Variants in SLC45A4 observed in about 807,000 individuals in gnomAD.
SLC45A4 encodes solute carrier family 45 member 4.
SLC45A4 carries 32 observed loss-of-function variants against 63.7 expected under a neutral mutation model. That is an observed-to-expected ratio of 0.50 (90% confidence interval 0.38 to 0.67). SLC45A4 has a LOEUF of 0.67. SLC45A4 is among the 30% of genes least tolerant of loss of function. SLC45A4 has a pLI of 0.00. For synonymous variants in SLC45A4, 535 were observed against 510.0 expected (o/e 1.05, Z -0.66); for missense variants, 1,027 against 1,157.7 (o/e 0.89, Z 1.64).
At position 141,273,977 on chromosome 8, in the gene SLC45A4, C is replaced by A. The variant is rs1014917633; in HGVS notation, c.-400-19348G>T. ...AGGCGTGGTGGCTCACGCCTGTAAT[C>A]CCAGCACTTTGGGAGGCCGAGGCGG... On this transcript the variant is annotated intron_variant, in intron 1 of 8. Coordinates refer to ENST00000517878, the MANE Select transcript of SLC45A4 (RefSeq NM_001286646.2). Among the ~76,000 whole-genome samples the A allele has an allele frequency of 2.0e-5, 3 of 152,152 alleles. No homozygotes were observed. The East Asian group carries it at 5.8e-4, about 29-fold the overall frequency.
At chr8:141,222,891 C>T (rs1826737904) in intron 2 of SLC45A4, among the ~76,000 whole-genome samples, 1 of 152,204 alleles carries the variant, frequency 6.6e-6, no homozygotes, top group African/African-American at 2.4e-5. Context: ...ATGGGAGTCC[C>T]ACGCTCCAGT....
At chr8:141,288,711 C>A (rs1440600312) in intron 1 of SLC45A4, among the ~76,000 whole-genome samples, 1 of 152,270 alleles carries the variant, frequency 6.6e-6, no homozygotes, top group African/African-American at 2.4e-5. Flanking sequence ...CTGTGCTGGA[C>A]ACACAGCAGG....
At chr8:141,267,079 C>T (rs769968513) in intron 1 of SLC45A4, among the ~76,000 whole-genome samples, 1 of 152,234 alleles carries the variant, frequency 6.6e-6, no homozygotes, top group Non-Finnish European at 1.5e-5. Flanking sequence ...GCTGGCAGGA[C>T]GGGGCAGGTG....
intron 5 of SLC45A4, among the ~76,000 whole-genome samples, chr8:141,217,533 A>G (rs1293432695): frequency 6.6e-6 from 1 of 152,134 alleles, no homozygotes; most frequent in Non-Finnish European, 1.5e-5. Context: ...AGCAGCTCAG[A>G]CTGGACCAGA....
At chr8:141,285,437 G>A (rs1333468208) in intron 1 of SLC45A4, among the ~76,000 whole-genome samples, 1 of 152,200 alleles carries the variant, frequency 6.6e-6, no homozygotes. Context: ...ACTCCACAGT[G>A]ACCGGCCTTG....
chr8:141,253,923 G>A, intron 2 of SLC45A4, 66 bp downstream of exon 2: 1 of 1,518,774 alleles, frequency 6.6e-7, no homozygotes, highest in Non-Finnish European at 8.8e-7. Flanking sequence ...CAGAGGATCA[G>A]AGCCACGCCC....
At chr8:141,301,102 G>A (rs1355822339) in intron 1 of SLC45A4, among the ~76,000 whole-genome samples, 1 of 152,102 alleles carries the variant, frequency 6.6e-6, no homozygotes, top group Non-Finnish European at 1.5e-5. Context: ...CGGTGCCCAG[G>A]GAGCCCCCAC....
intron 1 of SLC45A4, among the ~76,000 whole-genome samples, chr8:141,304,574 G>C (rs1205264820): frequency 2.5e-5 from 3 of 120,342 alleles, no homozygotes; most frequent in African/African-American, 5.4e-5. Context: ...AAAAAAAAAA[G>C]GGGGGGAGAG....
At chr8:141,293,180 C>T (rs888300375) in intron 1 of SLC45A4, among the ~76,000 whole-genome samples, 3 of 152,176 alleles carry the variant, frequency 2.0e-5, no homozygotes, top group Non-Finnish European at 2.9e-5. Context: ...TGCGGCCGGG[C>T]GCAGTGGCTC....
At chr8:141,216,277 C>A (rs545216206) in intron 6 of SLC45A4, among the ~76,000 whole-genome samples, 1 of 152,368 alleles carries the variant, frequency 6.6e-6, no homozygotes, top group Admixed American at 6.5e-5. Flanking sequence ...CAATCTGGGC[C>A]CGCTCAGTGG....
chr8:141,280,548 T>C (rs1389577285), intron 1 of SLC45A4, among the ~76,000 whole-genome samples: 1 of 152,172 alleles, frequency 6.6e-6, no homozygotes, highest in Non-Finnish European at 1.5e-5. Context: ...CAACATGGTG[T>C]TGAGGCCGGC....
intron 6 of SLC45A4, among the ~76,000 whole-genome samples, chr8:141,216,722 G>A (rs1002572509): frequency 1.5e-5 from 2 of 132,848 alleles, no homozygotes; most frequent in African/African-American, 2.9e-5. Flanking sequence ...AGGGTGAAAC[G>A]TGCTGGGCCC....
rs138858356 is a variant in SLC45A4 at position 141,295,868 on chromosome 8, C to T, written c.-401+12228G>A. On this transcript the variant is annotated intron_variant, in intron 1 of 8. Coordinates refer to ENST00000517878, the MANE Select transcript of SLC45A4 (RefSeq NM_001286646.2). ...GCCCAGGATGGTGCGGAGCTCATCT[C>T]GTAAGGTCAGAGGCTCCCTGGCTTT... Among the ~76,000 whole-genome samples the T allele has an allele frequency of 5.0e-3, 767 of 152,314 alleles. 7 individuals carry two copies. Among genetic ancestry groups the T allele is most frequent in the African/African-American group, 0.017 (708 of 41,566 alleles).
In SLC45A4 at chr8:141,216,061, C is replaced by T. The variant is rs989997122; in HGVS notation, c.1730-91G>A. 6 of 1,140,182 alleles carry T rather than the reference C, an allele frequency of 5.3e-6. No homozygotes were observed. In the Admixed American group the frequency reaches 6.1e-5, roughly 12 times the overall value. 70.6% of individuals were successfully genotyped at this position (1,140,182 alleles called of 1,614,324 possible). A position where few individuals can be genotyped will look rare whatever the true frequency, so the allele number is the denominator to read the frequency against. Reference sequence around the variant, plus strand: ...CCATCCCTCCCCTCGCCCCCCACATCCCCCCGACCTCCACTCCTTCCAGCT... The same window carrying T: ...CCATCCCTCCCCTCGCCCCCCACATTCCCCCGACCTCCACTCCTTCCAGCT... On this transcript the variant is annotated intron_variant, in intron 6 of 8. Transcript: ENST00000517878.
rs982546192 is a variant in SLC45A4 at position 141,208,749 on chromosome 8, G to C, written c.*2823C>G. The C allele has an allele frequency of 6.6e-6, 1 of 152,226 alleles. No homozygotes were observed. Among genetic ancestry groups the C allele is most frequent in the Admixed American group, 6.5e-5 (1 of 15,288 alleles). The allele number at this position is 152,226 out of a possible 1,614,324, so 9.4% of individuals were successfully genotyped here. On this transcript the variant is annotated 3_prime_UTR_variant, in exon 9 of 9. Transcript: ENST00000517878. ...CCAGGAAAGGGGACACAGGCAGGCCGGCCCAGCTGAGAGCTCACGGCCTCT... is the reference window on the plus strand; with the variant it reads ...CCAGGAAAGGGGACACAGGCAGGCCCGCCCAGCTGAGAGCTCACGGCCTCT...
rs567246596 is a variant in SLC45A4, at chr8:141,221,675, C to T, written c.332G>A (p.Arg111Gln). 2.0e-5 allele frequency: 33 copies of T among 1,614,086 alleles called. No homozygotes were observed. The highest frequency in any genetic ancestry group is 1.1e-4 in the African/African-American group (8 of 75,076). ...FTPLIGSASD[R>Q]CTLSWGRRRP... ...CCGGCGGCCCCAGCTCAGGGTGCAC[C>T]GGTCACTCGCAGACCCAATGAGAGG... The change falls in exon 3 of 9, where the codon CGG becomes CAG. Residue 111 changes from arginine (R) to glutamine (Q), a missense_variant. By Grantham distance (43) the Arg-to-Gln change is conservative. Transcript: ENST00000517878.
At chr8:141,282,803 G>A (rs765186797) in intron 1 of SLC45A4, among the ~76,000 whole-genome samples, 1 of 152,254 alleles carries the variant, frequency 6.6e-6, no homozygotes, top group African/African-American at 2.4e-5. Context: ...GCAAGTCCGT[G>A]GGCCTGAGCT....
intron 2 of SLC45A4, among the ~76,000 whole-genome samples, chr8:141,222,013 G>T (rs1826671714): frequency 6.6e-6 from 1 of 152,270 alleles, no homozygotes; most frequent in Admixed American, 6.5e-5. Context: ...GTGCCAGTGG[G>T]CTCCACCTGC....
At chr8:141,225,775 G>A (rs991956107) in intron 2 of SLC45A4, 1 of 152,406 alleles carries the variant, frequency 6.6e-6, no homozygotes, top group Non-Finnish European at 1.5e-5. Flanking sequence ...CTCCTGTGGA[G>A]GCTGCTTCTC....
Sources: gnomAD v4.1 joint callset for allele counts (sites outside exome capture counted in the v4.1 genomes callset) on GRCh38, gnomAD v4.1.1 for gene constraint, MANE v1.5 for transcripts, NCBI Gene and HGNC (gene_info 2026-07-23, HGNC 2026-07-21) for gene names.